The following ADAM23 variants were observed in gnomAD, a reference collection of about 807,000 sequenced individuals.
The protein encoded by ADAM23 is disintegrin and metalloproteinase domain-containing protein 23.
A neutral mutation model predicts 120.1 loss-of-function variants in ADAM23; 33 were observed. The observed-to-expected ratio is 0.27, with a 90% CI of 0.21 to 0.37. The LOEUF is 0.37. Ranked by LOEUF, ADAM23 falls within the 10% of genes least tolerant of loss-of-function variation. ADAM23 has a pLI of 1.00. For synonymous variants in ADAM23, 367 were observed against 375.2 expected (o/e 0.98, Z 0.25); for missense variants, 862 against 1,058.2 (o/e 0.81, Z 2.57).
At chr2:206,458,715 G>T (rs116651783) in intron 2 of ADAM23, among the ~76,000 whole-genome samples, 1 of 152,258 alleles carries the variant, frequency 6.6e-6, no homozygotes, top group Non-Finnish European at 1.5e-5. Context: ...ACTATAAATA[G>T]CACACGTTCA....
chr2:206,499,662 T>C (rs1440406243), intron 3 of ADAM23, among the ~76,000 whole-genome samples: 1 of 151,674 alleles, frequency 6.6e-6, no homozygotes, highest in Admixed American at 6.6e-5. Context: ...ATAAATAAAA[T>C]AAAAAAAATT....
intron 14 of ADAM23, among the ~76,000 whole-genome samples, chr2:206,566,045 T>C (rs555237366): frequency 6.6e-6 from 1 of 152,112 alleles, no homozygotes; most frequent in African/African-American, 2.4e-5. Context: ...CATAGCTTAG[T>C]AATTTATGGC....
intron 3 of ADAM23, among the ~76,000 whole-genome samples, chr2:206,508,308 G>A (rs1296074484): frequency 2.0e-5 from 3 of 152,180 alleles, no homozygotes; most frequent in African/African-American, 7.2e-5. Context: ...TTACAGGCGT[G>A]AGCCACTGTG....
intron 9 of ADAM23, among the ~76,000 whole-genome samples, chr2:206,553,394 C>A (rs1697574320): frequency 6.6e-6 from 1 of 152,082 alleles, no homozygotes; most frequent in Non-Finnish European, 1.5e-5. Flanking sequence ...CAAGATTGCA[C>A]CACTGCACTC....
At position 206,498,836 on chromosome 2, in the gene ADAM23, A is replaced by G. The variant is rs566567978; in HGVS notation, c.509+17528A>G. ...AACAACCCCATCAAAAAGTGGGTGA[A>G]GGATATGAACAGACATTTCTCAAAA... On this transcript the variant is annotated intron_variant, in intron 3 of 25. Coordinates refer to ENST00000264377, the MANE Select transcript of ADAM23 (RefSeq NM_003812.4). 2.4e-4 allele frequency among the ~76,000 whole-genome samples: 37 copies of G among 152,360 alleles called. 1 individual carries two copies. The highest frequency in any genetic ancestry group is 7.9e-4 in the African/African-American group (33 of 41,586).
chr2:206,593,189 T>C (rs902488515), intron 22 of ADAM23, among the ~76,000 whole-genome samples: 1 of 152,216 alleles, frequency 6.6e-6, no homozygotes, highest in Non-Finnish European at 1.5e-5. Context: ...TTTATTAAAA[T>C]AGTATGTATA....
intron 9 of ADAM23, among the ~76,000 whole-genome samples, chr2:206,553,173 T>C (rs1044757947): frequency 5.3e-5 from 8 of 151,970 alleles, no homozygotes; most frequent in Non-Finnish European, 8.8e-5. Flanking sequence ...AGGTAAGGAG[T>C]TCGAGACCAG....
intron 2 of ADAM23, among the ~76,000 whole-genome samples, chr2:206,457,346 G>A (rs1306384617): frequency 6.6e-6 from 1 of 152,186 alleles, no homozygotes; most frequent in Non-Finnish European, 1.5e-5. Context: ...GTTTGCTAGA[G>A]GTCTTAAGAA....
At chr2:206,531,078 T>C in intron 4 of ADAM23, 130 bp downstream of exon 4, 1 of 641,660 alleles carries the variant, frequency 1.6e-6, no homozygotes, top group Non-Finnish European at 2.5e-6. Flanking sequence ...GATACTATTT[T>C]TAGTGAGGAG....
rs143308267 is a variant in ADAM23 at position 206,620,002 on chromosome 2, T to A, written c.*2375T>A. ...TGGAGGAAACTCAGATTACTTGGTA[T>A]CTTTTCCTGTTGCTGCATTGCTTAG... On this transcript the variant is annotated 3_prime_UTR_variant, in exon 26 of 26. Coordinates refer to ENST00000264377, the MANE Select transcript of ADAM23 (RefSeq NM_003812.4). 6.6e-6 allele frequency: 1 copy of A among 152,376 alleles called. No homozygotes were observed. Among genetic ancestry groups the A allele is most frequent in the African/African-American group, 2.4e-5 (1 of 41,578 alleles). 9.4% of individuals were successfully genotyped at this position (152,376 alleles called of 1,614,324 possible). A position where few individuals can be genotyped will look rare whatever the true frequency, so the allele number is the denominator to read the frequency against.
At chr2:206,476,232 T>C (rs544528460) in intron 2 of ADAM23, among the ~76,000 whole-genome samples, 14 of 152,316 alleles carry the variant, frequency 9.2e-5, no homozygotes, top group African/African-American at 3.1e-4. Flanking sequence ...TCTATTGATA[T>C]TCCACTTTGG....
chr2:206,484,136 G>C (rs551601245), intron 3 of ADAM23, among the ~76,000 whole-genome samples: 1 of 152,154 alleles, frequency 6.6e-6, no homozygotes, highest in African/African-American at 2.4e-5. Flanking sequence ...GTTTTGAACC[G>C]GTAAAGACAG....
In ADAM23 at chr2:206,445,390, A is replaced by G; in HGVS notation, c.298A>G (p.Asn100Asp). 1 of 1,614,166 alleles carries G rather than the reference A, an allele frequency of 6.2e-7. No homozygotes were observed. Among genetic ancestry groups the G allele is most frequent in the Non-Finnish European group, 8.5e-7 (1 of 1,180,020 alleles). Residue 100 changes from asparagine to aspartate, a missense_variant, in exon 2 of 26, where the codon AAT becomes GAT. By Grantham distance (23) the Asn-to-Asp change is conservative. Coordinates refer to ENST00000264377, the MANE Select transcript of ADAM23 (RefSeq NM_003812.4). The stretch of plus-strand genomic sequence containing the variant: ...TACATTGCAACAGAATAGCAGCAGT[A>G]ATATCAGTTACAGCAATGCAATGCA... ...DNTLQQNSSS[N>D]ISYSNAMQKE...
chr2:206,549,763 A>T (rs567017455), intron 8 of ADAM23, among the ~76,000 whole-genome samples: 1 of 151,994 alleles, frequency 6.6e-6, no homozygotes, highest in Admixed American at 6.6e-5. Flanking sequence ...TGAAATTGAG[A>T]TTTATTTATT....
At chr2:206,488,248 G>A (rs772521718) in intron 3 of ADAM23, among the ~76,000 whole-genome samples, 31 of 152,298 alleles carry the variant, frequency 2.0e-4, no homozygotes, top group African/African-American at 5.8e-4. Context: ...TGAGCAACAC[G>A]GGGGAATTCA....
chr2:206,619,124 C>T lies in ADAM23; in HGVS notation c.*1497C>T, dbSNP rs555328969. 4 of 152,240 alleles carry T rather than the reference C, an allele frequency of 2.6e-5. No homozygotes were observed. Among genetic ancestry groups the T allele is most frequent in the South Asian group, 2.1e-4 (1 of 4,812 alleles). 9.4% of individuals were successfully genotyped at this position (152,240 alleles called of 1,614,324 possible). ...TAGAAGGAGCAGTTACCTTTGTATC[C>T]GCATTGTTAAAATAGGCTTTTATGC... On this transcript the variant is annotated 3_prime_UTR_variant, in exon 26 of 26. Transcript: ENST00000264377.
chr2:206,613,541 T>C (rs1698876591), intron 25 of ADAM23, among the ~76,000 whole-genome samples: 1 of 152,174 alleles, frequency 6.6e-6, no homozygotes, highest in South Asian at 2.1e-4. Flanking sequence ...CACCCCATGC[T>C]CCTGTTCTTC....
intron 24 of ADAM23, among the ~76,000 whole-genome samples, chr2:206,605,328 G>GA (rs1698708722): frequency 6.6e-6 from 1 of 152,110 alleles, no homozygotes; most frequent in Non-Finnish European, 1.5e-5. Flanking sequence ...ATTCTGTCTT[G>GA]AATTTGTAAG....
At chr2:206,571,980 G>T (rs182249214) in intron 17 of ADAM23, among the ~76,000 whole-genome samples, 164 bp downstream of exon 17, 68 of 152,172 alleles carry the variant, frequency 4.5e-4, no homozygotes, top group African/African-American at 1.5e-3. Context: ...TCTGTGGGCC[G>T]CAACATTTAT....
Sources: gnomAD v4.1 joint callset for allele counts (sites outside exome capture counted in the v4.1 genomes callset) on GRCh38, gnomAD v4.1.1 for gene constraint, MANE v1.5 for transcripts, NCBI Gene and HGNC (gene_info 2026-07-23, HGNC 2026-07-21) for gene names.